FAM149B1: variants seen among roughly 807,000 people sequenced by gnomAD.
FAM149B1 encodes primary cilium assembly protein FAM149B1.
Under a neutral mutation model 75.3 loss-of-function variants are expected in FAM149B1, and 56 were observed. That is an observed-to-expected ratio of 0.74 (90% confidence interval 0.60 to 0.93). The LOEUF (loss-of-function observed/expected upper bound fraction) is 0.93. FAM149B1 is among the 40% of genes least tolerant of loss of function. The pLI is 0.00. For synonymous variants in FAM149B1, 259 were observed against 256.1 expected (o/e 1.01, Z -0.11); for missense variants, 639 against 708.4 (o/e 0.90, Z 1.11).
intron 3 of FAM149B1, 168 bp from the exon 4 acceptor site, chr10:73,192,388 C>G (rs374950516): frequency 2.4e-5 from 15 of 637,484 alleles, no homozygotes; most frequent in Non-Finnish European, 1.0e-5. Flanking sequence ...CTGAAAATTC[C>G]GAGATCTGAA....
chr10:73,170,506 A>G (rs1843668743), intron 1 of FAM149B1, among the ~76,000 whole-genome samples: 1 of 145,748 alleles, frequency 6.9e-6, no homozygotes, highest in Non-Finnish European at 1.5e-5. Flanking sequence ...TCTGTCTCAA[A>G]TAAATAAATA....
At chr10:73,217,259 T>C (rs969846015) in intron 7 of FAM149B1, among the ~76,000 whole-genome samples, 1 of 152,238 alleles carries the variant, frequency 6.6e-6, no homozygotes, top group Non-Finnish European at 1.5e-5. Flanking sequence ...TGAGCACTAT[T>C]GTACAAGAAA....
chr10:73,212,437 C>A (rs946470708), intron 7 of FAM149B1, among the ~76,000 whole-genome samples: 3 of 152,110 alleles, frequency 2.0e-5, no homozygotes, highest in African/African-American at 7.2e-5. Context: ...TGCACCATCA[C>A]GCCCAGCTAA....
chr10:73,209,747 T>C lies in FAM149B1; in HGVS notation c.711-504T>C, dbSNP rs574906265. 1.5e-4 allele frequency among the ~76,000 whole-genome samples: 23 copies of C among 152,370 alleles called. No homozygotes were observed. In the South Asian group the frequency reaches 4.8e-3, roughly 32 times the overall value. ...CTGTGACATTAACCTGTTAAACTAT[T>C]CCTCTAAGCCTTTAAAAGTTCCAGA... On this transcript the variant is annotated intron_variant, in intron 6 of 13. Coordinates refer to ENST00000242505, the MANE Select transcript of FAM149B1 (RefSeq NM_173348.2).
intron 3 of FAM149B1, among the ~76,000 whole-genome samples, chr10:73,180,861 G>T (rs2042378587): frequency 6.6e-6 from 1 of 151,268 alleles, no homozygotes; most frequent in Non-Finnish European, 1.5e-5. Flanking sequence ...CATTCTTTCT[G>T]TTTTTTTTGT....
At chr10:73,182,509 G>C (rs993325324) in intron 3 of FAM149B1, among the ~76,000 whole-genome samples, 2 of 152,210 alleles carry the variant, frequency 1.3e-5, no homozygotes, top group Non-Finnish European at 2.9e-5. Context: ...ACTGCACCCA[G>C]CCTTGCTGCA....
At position 73,234,439 on chromosome 10, in the gene FAM149B1, T is replaced by C. The variant is rs991790854; in HGVS notation, c.1353-378T>C. On this transcript the variant is annotated intron_variant, in intron 10 of 13. Coordinates refer to ENST00000242505, the MANE Select transcript of FAM149B1 (RefSeq NM_173348.2). ...GTTTAGGAACTTTACCCGAGAACTA[T>C]AGTTATTAGGGAAAACGATAACCAG... is the stretch of plus-strand genomic sequence containing the variant. The C allele has an allele frequency of 2.5e-4, 50 of 201,910 alleles. 1 individual carries two copies. The Admixed American group carries it at 2.6e-3, about 11-fold the overall frequency. The allele number at this position is 201,910 out of a possible 1,614,324, so 12.5% of individuals were successfully genotyped here.
At chr10:73,219,906 AC>A (rs574477415) in intron 7 of FAM149B1, among the ~76,000 whole-genome samples, 141 of 152,168 alleles carry the variant, frequency 9.3e-4, no homozygotes, top group African/African-American at 3.1e-3. Context: ...AATAATTTGG[AC>A]TTCATCAAAA....
chr10:73,228,115 G>C lies in FAM149B1; in HGVS notation c.954G>C (p.Leu318=). 1.3e-6 allele frequency: 2 copies of C among 1,551,310 alleles called. No homozygotes were observed. Among genetic ancestry groups the C allele is most frequent in the Non-Finnish European group, 1.7e-6 (2 of 1,146,606 alleles). The change falls in exon 8 of 14, where the codon CTG becomes CTC. Residue 318 remains leucine, a synonymous_variant. Transcript: ENST00000242505. The part of the protein sequence containing the change: ...TRPDSESSCV[L]SELHPLVLPR... ...CCGATTCAGAAAGTTCCTGTGTGCT[G>C]AGTGAACTACATCCTTTGGTGTTAC... is the stretch of plus-strand genomic sequence containing the variant.
intron 2 of FAM149B1, among the ~76,000 whole-genome samples, chr10:73,177,277 C>T (rs1357320836): frequency 6.6e-6 from 1 of 151,880 alleles, no homozygotes; most frequent in African/African-American, 2.4e-5. Context: ...CTTTAGTTGT[C>T]AAGAGTATGT....
At chr10:73,228,295 C>A in intron 8 of FAM149B1, 111 bp downstream of exon 8, 2 of 844,516 alleles carry the variant, frequency 2.4e-6, no homozygotes, top group Non-Finnish European at 3.8e-6. Flanking sequence ...TGTTTTAGTA[C>A]AGTTATGTGT....
At chr10:73,204,870 T>C (rs2043017033) in intron 5 of FAM149B1, among the ~76,000 whole-genome samples, 1 of 137,308 alleles carries the variant, frequency 7.3e-6, no homozygotes, top group Non-Finnish European at 1.5e-5. Flanking sequence ...CTGTGCCTCC[T>C]GGGTTCACGC....
In FAM149B1 at chr10:73,193,519, A is replaced by G. The variant is rs1357021117; in HGVS notation, c.468A>G (p.Arg156=). 1.9e-6 allele frequency: 3 copies of G among 1,550,434 alleles called. No individual in the cohort carries two copies. In the African/African-American group the frequency reaches 4.1e-5, roughly 21 times the overall value. The part of the protein sequence containing the change: ...RQIITPSEGY[R]LYPRSPSAVS... The stretch of plus-strand genomic sequence containing the variant: ...TAATCACTCCAAGTGAAGGTTATAG[A>G]TTGTATCCTAGATCCCCTTCTGCTG... Residue 156 remains arginine (R), a synonymous_variant, in exon 5 of 14, where the codon AGA becomes AGG. Transcript: ENST00000242505.
At chr10:73,236,797 C>A (rs946794558) in intron 12 of FAM149B1, among the ~76,000 whole-genome samples, 2 of 151,552 alleles carry the variant, frequency 1.3e-5, no homozygotes, top group African/African-American at 4.9e-5. Context: ...CTCACTGCAG[C>A]CTCAACCTCC....
intron 7 of FAM149B1, among the ~76,000 whole-genome samples, chr10:73,217,342 C>G (rs1035886126): frequency 5.9e-5 from 9 of 152,316 alleles, no homozygotes; most frequent in African/African-American, 2.2e-4. Context: ...GTTAGATACA[C>G]ATTTCACTTC....
chr10:73,214,427 A>G (rs541950927), intron 7 of FAM149B1, among the ~76,000 whole-genome samples: 2 of 152,254 alleles, frequency 1.3e-5, no homozygotes, highest in South Asian at 4.1e-4. Flanking sequence ...GTATAATGCT[A>G]GCTATGGGTT....
chr10:73,198,646 A>C (rs2042862008), intron 5 of FAM149B1, among the ~76,000 whole-genome samples: 1 of 152,126 alleles, frequency 6.6e-6, no homozygotes, highest in Non-Finnish European at 1.5e-5. Context: ...CTCCACTAAA[A>C]ATACAAAAAT....
intron 3 of FAM149B1, among the ~76,000 whole-genome samples, chr10:73,187,623 G>A (rs1273892051): frequency 5.9e-5 from 9 of 151,922 alleles, no homozygotes; most frequent in East Asian, 5.8e-4. Flanking sequence ...CAGCTATTCC[G>A]GAGGCTGAGG....
chr10:73,240,714 CAAA>C (rs55812252), intron 13 of FAM149B1, among the ~76,000 whole-genome samples: 1 of 106,904 alleles, frequency 9.4e-6, no homozygotes, highest in Admixed American at 9.6e-5. Flanking sequence ...ACTCCACCTC[CAAA>C]AAAAAAAAAA....
Sources: gnomAD v4.1 joint callset for allele counts (sites outside exome capture counted in the v4.1 genomes callset) on GRCh38, gnomAD v4.1.1 for gene constraint, MANE v1.5 for transcripts, NCBI Gene and HGNC (gene_info 2026-07-23, HGNC 2026-07-21) for gene names.